Variants in GRIK2 observed in about 807,000 individuals in gnomAD.
The protein encoded by GRIK2 is glutamate receptor ionotropic, kainate 2.
Under a neutral mutation model 100.3 loss-of-function variants are expected in GRIK2, and 32 were observed. The observed-to-expected ratio is 0.32, with a 90% confidence interval of 0.24 to 0.43. The LOEUF is 0.43. GRIK2 is among the 20% of genes least tolerant of loss of function. GRIK2 has a pLI of 1.00. For missense variants in GRIK2, 843 were observed against 1,114.9 expected, an observed-to-expected ratio of 0.76 and a Z score of 3.47; for synonymous variants, 417 against 389.4, an observed-to-expected ratio of 1.07 and a Z score of -0.83.
At chr6:101,696,290 A>G (rs1772479702) in intron 7 of GRIK2, among the ~76,000 whole-genome samples, 2 of 151,708 alleles carry the variant, frequency 1.3e-5, no homozygotes, top group South Asian at 4.2e-4. Flanking sequence ...CTTGGCATAT[A>G]ATAAAATTTA....
intron 7 of GRIK2, among the ~76,000 whole-genome samples, chr6:101,774,818 A>G (rs897209962): frequency 2.6e-5 from 4 of 152,100 alleles, no homozygotes; most frequent in Non-Finnish European, 4.4e-5. Context: ...AGTAAAAACA[A>G]ATAGGATTTT....
chr6:101,823,993 G>A (rs1782145811), intron 10 of GRIK2, among the ~76,000 whole-genome samples: 1 of 151,466 alleles, frequency 6.6e-6, no homozygotes, highest in African/African-American at 2.4e-5. Context: ...TCAGCCTCCT[G>A]AGTAGCTGGG....
At chr6:101,416,263 AT>A (rs1776136272) in intron 2 of GRIK2, among the ~76,000 whole-genome samples, 1 of 152,156 alleles carries the variant, frequency 6.6e-6, no homozygotes, top group African/African-American at 2.4e-5. Flanking sequence ...ACATAAGAAT[AT>A]CTGTAGTTTT....
intron 2 of GRIK2, among the ~76,000 whole-genome samples, chr6:101,496,807 C>T (rs1476411582): frequency 6.6e-6 from 1 of 151,868 alleles, no homozygotes; most frequent in African/African-American, 2.4e-5. Flanking sequence ...TGTTTCAGAC[C>T]CAAATATAAC....
chr6:101,902,035 T>TTAATA (rs112727537), intron 12 of GRIK2, among the ~76,000 whole-genome samples: 144,647 of 151,762 alleles, frequency 0.95, 68,946 homozygotes, highest in Admixed American at 0.97. Flanking sequence ...GCTTAAAAAT[T>TTAATA]TAAATGATAT....
intron 15 of GRIK2, among the ~76,000 whole-genome samples, chr6:102,052,685 GCT>G (rs1771260301): frequency 6.6e-6 from 1 of 152,122 alleles, no homozygotes. Context: ...TGAGAAATGA[GCT>G]CTCACAAAAT....
At chr6:101,980,143 A>G (rs978460354) in intron 14 of GRIK2, among the ~76,000 whole-genome samples, 13 of 151,992 alleles carry the variant, frequency 8.6e-5, no homozygotes, top group African/African-American at 2.7e-4. Context: ...TGCATTCTAC[A>G]TAGTGCTCTT....
intron 4 of GRIK2, among the ~76,000 whole-genome samples, chr6:101,642,477 C>T (rs971037831): frequency 2.6e-5 from 4 of 151,736 alleles, no homozygotes; most frequent in African/African-American, 7.2e-5. Flanking sequence ...TCATAGAAAT[C>T]GATTATACAG....
intron 14 of GRIK2, among the ~76,000 whole-genome samples, chr6:101,978,545 A>G (rs1308720640): frequency 2.0e-5 from 3 of 151,884 alleles, no homozygotes; most frequent in African/African-American, 7.2e-5. Flanking sequence ...TAATCATTGT[A>G]TCTTTAATAT....
At chr6:102,058,092 A>C (rs2252515) in intron 16 of GRIK2, among the ~76,000 whole-genome samples, 58,378 of 151,546 alleles carry the variant, frequency 0.39, 11,598 homozygotes, top group Middle Eastern at 0.47. Context: ...CCTTTTGAGA[A>C]AGCTGGGAAG....
chr6:101,776,144 T>C (rs1336356348), intron 7 of GRIK2, among the ~76,000 whole-genome samples: 1 of 152,182 alleles, frequency 6.6e-6, no homozygotes, highest in Non-Finnish European at 1.5e-5. Flanking sequence ...GGCTGAGATT[T>C]AATGTACATG....
intron 14 of GRIK2, among the ~76,000 whole-genome samples, chr6:101,957,988 G>C (rs1036319582): frequency 1.3e-5 from 2 of 151,846 alleles, no homozygotes; most frequent in African/African-American, 4.8e-5. Context: ...TTTTGCTTAG[G>C]ATTGTTTTGG....
intron 2 of GRIK2, among the ~76,000 whole-genome samples, chr6:101,414,287 T>C (rs1219363037): frequency 6.6e-6 from 1 of 152,202 alleles, no homozygotes; most frequent in Non-Finnish European, 1.5e-5. Flanking sequence ...GCATTTGTGC[T>C]CCTTTTCTCC....
At chr6:102,028,726 GTTTTT>G (rs59432122) in intron 14 of GRIK2, among the ~76,000 whole-genome samples, 3 of 149,414 alleles carry the variant, frequency 2.0e-5, no homozygotes, top group South Asian at 4.2e-4. Flanking sequence ...TTAAGAAATC[GTTTTT>G]TTTATTTTTG....
At chr6:102,023,339 G>C (rs1304880849) in intron 14 of GRIK2, among the ~76,000 whole-genome samples, 1 of 151,158 alleles carries the variant, frequency 6.6e-6, no homozygotes, top group African/African-American at 2.4e-5. Flanking sequence ...TAAAAAGGGA[G>C]GGGTAAAAAA....
chr6:101,879,896 A>C (rs1345268423), intron 11 of GRIK2, among the ~76,000 whole-genome samples: 3 of 152,020 alleles, frequency 2.0e-5, no homozygotes, highest in Non-Finnish European at 4.4e-5. Context: ...TCAGCCAGAC[A>C]GGCATCAGTG....
chr6:101,981,953 A>G (rs1223591710), intron 14 of GRIK2, among the ~76,000 whole-genome samples: 2 of 151,904 alleles, frequency 1.3e-5, no homozygotes, highest in East Asian at 1.9e-4. Context: ...GAATAATTAG[A>G]TGGATGCATA....
chr6:101,830,290 A>C (rs1467014480), intron 10 of GRIK2, among the ~76,000 whole-genome samples: 1 of 152,080 alleles, frequency 6.6e-6, no homozygotes, highest in Admixed American at 6.6e-5. Flanking sequence ...TATATCAAGG[A>C]AATTAAATCT....
At chr6:101,912,767 G>A (rs1033073802) in intron 12 of GRIK2, among the ~76,000 whole-genome samples, 2 of 151,402 alleles carry the variant, frequency 1.3e-5, no homozygotes, top group Admixed American at 1.3e-4. Flanking sequence ...GTGGCCTGAG[G>A]TTCTTAATAT....
Sources: allele counts gnomAD v4.1 joint callset (sites outside exome capture counted in the v4.1 genomes callset), GRCh38; gene constraint gnomAD v4.1.1; transcripts MANE v1.5; gene names NCBI Gene and HGNC (gene_info 2026-07-23, HGNC 2026-07-21).